The following PABPC1 variants were observed in gnomAD, a reference collection of about 807,000 sequenced individuals.
PABPC1 encodes the protein poly(A) binding protein cytoplasmic 1, also known as polyadenylate-binding protein 1.
A neutral mutation model predicts 74.0 loss-of-function variants in PABPC1; 4 were observed. The ratio of observed to expected loss-of-function variants is 0.05; its 90% CI spans 0.03 to 0.12. The LOEUF (loss-of-function observed/expected upper bound fraction) is 0.12. Among genes scored for constraint, PABPC1 ranks in the 10% least tolerant of loss-of-function variants. The pLI, the probability that PABPC1 is intolerant of heterozygous loss-of-function variation, is 1.00. For missense variants in PABPC1, 271 were observed against 821.1 expected (o/e 0.33, Z 8.19); for synonymous variants, 227 against 264.1 (o/e 0.86, Z 1.36).
At chr8:100,707,023 A>G (rs765106734) in intron 9 of PABPC1, 26 bp from the exon 10 acceptor site, 3 of 1,327,930 alleles carry the variant, frequency 2.3e-6, no homozygotes, top group South Asian at 2.5e-5. Context: ...GTGAATATAC[A>G]TTAACTGGGA....
In PABPC1 at chr8:100,721,848, G is replaced by C. The variant is rs542269329; in HGVS notation, c.-265C>G. On this transcript the variant is annotated 5_prime_UTR_variant, in exon 1 of 15. Transcript: ENST00000318607. The surrounding 1 kb of genome is among the most constrained non-coding windows in gnomAD (Gnocchi z 7.4). ...GCCTCGGTCTCTTGGTTCCTTCTTGGAGCTGCTGCGGGGCCGCGGGCGGGC... is the reference window on the plus strand; with the variant it reads ...GCCTCGGTCTCTTGGTTCCTTCTTGCAGCTGCTGCGGGGCCGCGGGCGGGC... 2.8e-6 allele frequency: 1 copy of C among 355,536 alleles called. No homozygotes were observed. Among genetic ancestry groups the C allele is most frequent in the African/African-American group, 2.1e-5 (1 of 47,558 alleles). 22.0% of individuals were successfully genotyped at this position (355,536 alleles called of 1,614,324 possible). A position where few individuals can be genotyped will look rare whatever the true frequency, so the allele number is the denominator to read the frequency against.
chr8:100,721,135 A>G lies in PABPC1; in HGVS notation c.193+256T>C, dbSNP rs1246052228. 2.0e-5 allele frequency among the ~76,000 whole-genome samples: 3 copies of G among 152,074 alleles called. No homozygotes were observed. Among genetic ancestry groups the G allele is most frequent in the East Asian group, 1.9e-4 (1 of 5,188 alleles). The stretch of plus-strand genomic sequence containing the variant: ...CACCCTCCCGGCGCGTCATCACCCT[A>G]AAGTTTGAGAGCGTCTGAGGCCGAG... On this transcript the variant is annotated intron_variant, in intron 1 of 14. Coordinates refer to ENST00000318607, the MANE Select transcript of PABPC1 (RefSeq NM_002568.4). The surrounding 1 kb of genome is among the most constrained non-coding windows in gnomAD (Gnocchi z 7.4).
intron 3 of PABPC1, among the ~76,000 whole-genome samples, chr8:100,716,485 A>G (rs1358925940): frequency 6.6e-6 from 1 of 152,216 alleles, no homozygotes; most frequent in Non-Finnish European, 1.5e-5. Context: ...AAGCAGAAGG[A>G]AAAACCATCT....
At chr8:100,713,280 C>T in intron 4 of PABPC1, 99 bp from the exon 5 acceptor site, 2 of 648,858 alleles carry the variant, frequency 3.1e-6, no homozygotes, top group Admixed American at 3.6e-5. Flanking sequence ...AATTTCAAAG[C>T]TCCGTAACTT....
chr8:100,707,060 G>T, intron 9 of PABPC1, 63 bp from the exon 10 acceptor site: 2 of 1,217,176 alleles, frequency 1.6e-6, no homozygotes, highest in Non-Finnish European at 2.4e-6. Flanking sequence ...AAGTGTTTAT[G>T]CTGTCTTCTT....
intron 9 of PABPC1, 133 bp downstream of exon 9, chr8:100,709,000 A>T (rs1810458599): frequency 1.3e-6 from 1 of 753,834 alleles, no homozygotes. Flanking sequence ...TAAATGCTAT[A>T]AAAATGAACA....
At chr8:100,708,170 C>T (rs1308404300) in intron 9 of PABPC1, among the ~76,000 whole-genome samples, 2 of 152,204 alleles carry the variant, frequency 1.3e-5, no homozygotes, top group East Asian at 1.9e-4. Context: ...CTCGTGTCCT[C>T]GGTCTCTTGC....
intron 9 of PABPC1, among the ~76,000 whole-genome samples, chr8:100,707,845 G>C (rs765355427): frequency 1.3e-5 from 2 of 152,202 alleles, no homozygotes; most frequent in Admixed American, 1.3e-4. Flanking sequence ...GCTAGACCTC[G>C]GTCCGCCTGG....
chr8:100,703,455 A>G (rs963022502), intron 14 of PABPC1, 96 bp from the exon 15 acceptor site: 2 of 152,340 alleles, frequency 1.3e-5, no homozygotes, highest in Non-Finnish European at 2.9e-5. Context: ...GTTTTTATCC[A>G]TAGTTTTACT....
intron 4 of PABPC1, among the ~76,000 whole-genome samples, chr8:100,714,560 G>T (rs184305112): frequency 1.3e-5 from 2 of 151,906 alleles, no homozygotes; most frequent in African/African-American, 4.8e-5. Context: ...GTGAAACCCC[G>T]TCTCTAATAA....
chr8:100,721,373 G>C lies in PABPC1; in HGVS notation c.193+18C>G, dbSNP rs752431691. On this transcript the variant is annotated intron_variant, in intron 1 of 14. Coordinates refer to ENST00000318607, the MANE Select transcript of PABPC1 (RefSeq NM_002568.4). This position sits in a 1 kb window ranked among gnomAD's most constrained non-coding sequence, Gnocchi z 7.4. Reference sequence around the variant, plus strand: ...TGGCCGCCCGCCCGCCCGGCCGACCGCGGAGCCCGGCGCTCACCGTCCGCC... The same window carrying C: ...TGGCCGCCCGCCCGCCCGGCCGACCCCGGAGCCCGGCGCTCACCGTCCGCC... 2 of 1,426,626 alleles carry C rather than the reference G, an allele frequency of 1.4e-6. No individual in the cohort carries two copies. The highest frequency in any genetic ancestry group is 1.5e-5 in the South Asian group (1 of 64,958). 88.4% of individuals were successfully genotyped at this position (1,426,626 alleles called of 1,614,324 possible).
At chr8:100,710,648 T>C (rs957088104) in intron 7 of PABPC1, among the ~76,000 whole-genome samples, 3 of 152,146 alleles carry the variant, frequency 2.0e-5, no homozygotes, top group Admixed American at 2.0e-4. Flanking sequence ...ACACACAAAG[T>C]GAGGTCTATA....
intron 11 of PABPC1, among the ~76,000 whole-genome samples, chr8:100,705,877 C>A (rs1312819870): frequency 6.6e-6 from 1 of 152,190 alleles, no homozygotes; most frequent in African/African-American, 2.4e-5. Context: ...GAGATGGAGT[C>A]TCACTTTGTC....
At position 100,711,589 on chromosome 8, in the gene PABPC1, A is replaced by G. The variant is rs565818716; in HGVS notation, c.972+773T>C. Among the ~76,000 whole-genome samples, 12 of 152,364 alleles carry G rather than the reference A, an allele frequency of 7.9e-5. No homozygotes were observed. The South Asian group carries it at 2.5e-3, about 32-fold the overall frequency. Reference sequence around the variant, plus strand: ...TGAAGACAAAAACATTCAGGAATAAATTCTATCGTACTCCAATACTCTTAC... The same window carrying G: ...TGAAGACAAAAACATTCAGGAATAAGTTCTATCGTACTCCAATACTCTTAC... On this transcript the variant is annotated intron_variant, in intron 7 of 14. Transcript: ENST00000318607.
intron 1 of PABPC1, among the ~76,000 whole-genome samples, chr8:100,720,020 G>A (rs1189611045): frequency 6.6e-6 from 1 of 152,220 alleles, no homozygotes; most frequent in Non-Finnish European, 1.5e-5. Context: ...ACTTTACACA[G>A]TGAAGAGCTG....
chr8:100,718,057 A>G (rs1321319267), intron 2 of PABPC1, 30 bp downstream of exon 2: 35 of 1,569,354 alleles, frequency 2.2e-5, no homozygotes, highest in Non-Finnish European at 2.7e-5. Context: ...TCAACAATGT[A>G]AACATGTGTA....
Position 100,705,570 on chromosome 8 carries a change from G to A in PABPC1, c.1687+19C>T. On this transcript the variant is annotated intron_variant, in intron 12 of 14. Coordinates refer to ENST00000318607, the MANE Select transcript of PABPC1 (RefSeq NM_002568.4). ...TTTCTAGTCTTTCTGAACTGACAAG[G>A]TGGGACAGAAGTACTCACCCAACAT... The A allele has an allele frequency of 7.5e-7, 1 of 1,338,616 alleles. No homozygotes were observed. The highest frequency in any genetic ancestry group is 1.1e-6 in the Non-Finnish European group (1 of 933,592). The allele number at this position is 1,338,616 out of a possible 1,614,324, so 82.9% of individuals were successfully genotyped here.
At chr8:100,704,532 CCATT>C (rs1810331944) in intron 13 of PABPC1, 142 bp from the exon 14 acceptor site, 2 of 733,588 alleles carry the variant, frequency 2.7e-6, no homozygotes, top group Admixed American at 2.5e-5. Context: ...ACAACTATAT[CCATT>C]CAATTTTGAG....
intron 14 of PABPC1, 29 bp downstream of exon 14, chr8:100,704,268 A>C: frequency 6.5e-7 from 1 of 1,546,662 alleles, no homozygotes; most frequent in Non-Finnish European, 8.9e-7. Context: ...AAACAAGCTT[A>C]AAACAACAAA....
Sources: gnomAD v4.1 joint callset for allele counts (sites outside exome capture counted in the v4.1 genomes callset) on GRCh38, gnomAD v4.1.1 for gene constraint, Gnocchi (gnomAD v3.1) non-coding constraint, MANE v1.5 for transcripts, NCBI Gene and HGNC (gene_info 2026-07-23, HGNC 2026-07-21) for gene names.